Variants in PCDHGA1 observed in about 807,000 individuals in gnomAD.
The protein encoded by PCDHGA1 is protocadherin gamma subfamily A, 1, also known as protocadherin gamma-A1.
PCDHGA1 carries 32 observed loss-of-function variants against 58.0 expected under a neutral mutation model. The observed-to-expected ratio is 0.55, with a 90% confidence interval of 0.42 to 0.74. The LOEUF is 0.74. Ranked by LOEUF, PCDHGA1 falls within the 30% of genes least tolerant of loss-of-function variation. The pLI is 0.00. For synonymous variants in PCDHGA1, 498 were observed against 501.1 expected (o/e 0.99, Z 0.08); for missense variants, 1,205 against 1,182.3 (o/e 1.02, Z -0.28).
At chr5:141,341,741 A>T (rs1205265267) in intron 1 of PCDHGA1, 3 of 439,924 alleles carry the variant, frequency 6.8e-6, no homozygotes, top group Non-Finnish European at 1.2e-5. Flanking sequence ...CTTTGTTAAA[A>T]ATATAAAGAT....
intron 1 of PCDHGA1, chr5:141,414,230 CCAT>C: frequency 6.2e-7 from 1 of 1,613,308 alleles, no homozygotes; most frequent in Non-Finnish European, 8.5e-7. Context: ...CCAGAGCTGA[CCAT>C]CACGTCTCTA....
Position 141,400,542 on chromosome 5 carries a change from C to G in PCDHGA1, c.2421+67437C>G, listed in dbSNP as rs373097307. On this transcript the variant is annotated intron_variant, in intron 1 of 3. Transcript: ENST00000517417. ...CTGAGTTGGTGAGTTTCATTTATGT[C>G]TATTCTTTTTCATTACCCACCCAAT... 5.6e-6 allele frequency: 9 copies of G among 1,613,628 alleles called. No individual in the cohort carries two copies. In the African/African-American group the frequency reaches 8.0e-5, roughly 14 times the overall value.
intron 1 of PCDHGA1, chr5:141,382,965 C>A (rs1186922348): frequency 2.5e-6 from 4 of 1,608,612 alleles, no homozygotes; most frequent in Non-Finnish European, 3.4e-6. Context: ...TCCTGGGGAC[C>A]CCCTGGGAAG....
intron 1 of PCDHGA1, among the ~76,000 whole-genome samples, chr5:141,437,573 G>A (rs923321760): frequency 1.3e-5 from 2 of 152,164 alleles, no homozygotes; most frequent in African/African-American, 4.8e-5. Flanking sequence ...GAGTATAGCT[G>A]TGATCATGAA....
At chr5:141,381,878 G>A (rs1777712402) in intron 1 of PCDHGA1, among the ~76,000 whole-genome samples, 2 of 129,172 alleles carry the variant, frequency 1.5e-5, no homozygotes, top group South Asian at 4.9e-4. Flanking sequence ...TGTCCAGGCT[G>A]GAGTGCAATG....
chr5:141,393,730 G>C lies in PCDHGA1; in HGVS notation c.2421+60625G>C, dbSNP rs546435108. On this transcript the variant is annotated intron_variant, in intron 1 of 3. Transcript: ENST00000517417. The stretch of plus-strand genomic sequence containing the variant: ...ACTGGGGAAATATCAATAGCAAAAA[G>C]TCTAGATTATGAAGAATGTTCATTT... 3 of 1,613,844 alleles carry C rather than the reference G, an allele frequency of 1.9e-6. No individual in the cohort carries two copies. In the South Asian group the frequency reaches 3.3e-5, roughly 18 times the overall value.
intron 1 of PCDHGA1, chr5:141,355,572 CG>C: frequency 6.2e-7 from 1 of 1,613,892 alleles, no homozygotes; most frequent in South Asian, 1.1e-5. Flanking sequence ...TGGAAATAAT[CG>C]ATGTTAATGA....
In PCDHGA1 at chr5:141,390,150, C is replaced by A. The variant is rs768850867; in HGVS notation, c.2421+57045C>A. The A allele has an allele frequency of 3.7e-6, 6 of 1,613,916 alleles. No homozygotes were observed. The African/African-American group carries it at 8.0e-5, about 22-fold the overall frequency. On this transcript the variant is annotated intron_variant, in intron 1 of 3. Transcript: ENST00000517417. ...TTATTCCTACAATCTATGTGTTGCA[C>A]ATACAGGAAAGACGGAGTTTAATTT...
chr5:141,372,158 G>C, intron 1 of PCDHGA1: 2 of 1,613,800 alleles, frequency 1.2e-6, no homozygotes, highest in Non-Finnish European at 1.7e-6. Context: ...GCTACCTGGT[G>C]ACCAAGGTGG....
At position 141,409,906 on chromosome 5, in the gene PCDHGA1, T is replaced by C. The variant is rs779572711; in HGVS notation, c.2421+76801T>C. Reference sequence around the variant, plus strand: ...CGCGGGTGCTGTACCCAGCTCTGGGTCCTGACGGCTCCGCGTTCTTCGATA... The same window carrying C: ...CGCGGGTGCTGTACCCAGCTCTGGGCCCTGACGGCTCCGCGTTCTTCGATA... On this transcript the variant is annotated intron_variant, in intron 1 of 3. Transcript: ENST00000517417. 6 of 1,613,214 alleles carry C rather than the reference T, an allele frequency of 3.7e-6. No homozygotes were observed. The South Asian group carries it at 6.6e-5, about 18-fold the overall frequency.
At chr5:141,388,965 G>T (rs1164641835) in intron 1 of PCDHGA1, 1 of 1,613,978 alleles carries the variant, frequency 6.2e-7, no homozygotes, top group Admixed American at 1.7e-5. Context: ...CGCCGAGCTG[G>T]GAACACATAT....
In PCDHGA1 at chr5:141,431,878, C is replaced by T. The variant is rs2097425306; in HGVS notation, c.2422-62929C>T. The T allele has an allele frequency of 1.2e-6, 2 of 1,614,054 alleles. No individual in the cohort carries two copies. The highest frequency in any genetic ancestry group is 1.7e-5 in the Admixed American group (1 of 60,010). ...TAATTGCCCTTTTAAATGTAAATGACCAAGATTCTGAGGAAAACGGACAGG... is the reference window on the plus strand; with the variant it reads ...TAATTGCCCTTTTAAATGTAAATGATCAAGATTCTGAGGAAAACGGACAGG... On this transcript the variant is annotated intron_variant, in intron 1 of 3. Transcript: ENST00000517417. The surrounding 1 kb of genome is among the most constrained non-coding windows in gnomAD (Gnocchi z 4.8).
Position 141,375,571 on chromosome 5 carries a change from C to T in PCDHGA1, c.2421+42466C>T, listed in dbSNP as rs760580799. On this transcript the variant is annotated intron_variant, in intron 1 of 3. Coordinates refer to ENST00000517417, the MANE Select transcript of PCDHGA1 (RefSeq NM_018912.3). Reference sequence around the variant, plus strand: ...CCTACTCACTGGCAGAAGACACCCTCCAGGGGGCGCCCCTGTCCTCCTACG... The same window carrying T: ...CCTACTCACTGGCAGAAGACACCCTTCAGGGGGCGCCCCTGTCCTCCTACG... 15 of 1,613,962 alleles carry T rather than the reference C, an allele frequency of 9.3e-6. No individual in the cohort carries two copies. In the Admixed American group the frequency reaches 2.3e-4, roughly 25 times the overall value.
intron 1 of PCDHGA1, among the ~76,000 whole-genome samples, chr5:141,473,313 T>C (rs1173941642): frequency 2.7e-4 from 41 of 152,246 alleles, no homozygotes; most frequent in Non-Finnish European, 5.9e-5. Context: ...GCTATATTAA[T>C]AAGCATTAAG....
At chr5:141,337,497 A>C (rs1363691907) in intron 1 of PCDHGA1, among the ~76,000 whole-genome samples, 1 of 152,242 alleles carries the variant, frequency 6.6e-6, no homozygotes. Flanking sequence ...CAAAGACATG[A>C]TATCAAGTGA....
chr5:141,370,964 G>A (rs372975056), intron 1 of PCDHGA1: 71 of 1,613,848 alleles, frequency 4.4e-5, no homozygotes, highest in Non-Finnish European at 5.6e-5. Flanking sequence ...ATGGCAGTAG[G>A]TACCCAGAGC....
chr5:141,382,807 T>TC (rs1430207152), intron 1 of PCDHGA1: 2 of 1,107,572 alleles, frequency 1.8e-6, no homozygotes, highest in Non-Finnish European at 2.6e-6. Context: ...GATTCTGAGC[T>TC]CCCCTTCCTA....
At chr5:141,407,316 G>A (rs2094914682) in intron 1 of PCDHGA1, among the ~76,000 whole-genome samples, 1 of 152,094 alleles carries the variant, frequency 6.6e-6, no homozygotes, top group Non-Finnish European at 1.5e-5. Flanking sequence ...TTCATACTTA[G>A]TATTTATAAA....
At chr5:141,364,203 C>G (rs1763215170) in intron 1 of PCDHGA1, 2 of 1,152,828 alleles carry the variant, frequency 1.7e-6, no homozygotes, top group Non-Finnish European at 1.2e-6. Flanking sequence ...ACAGACCAGA[C>G]AAGCTCCTAC....
Sources: allele counts gnomAD v4.1 joint callset (sites outside exome capture counted in the v4.1 genomes callset), GRCh38; gene constraint gnomAD v4.1.1; non-coding constraint Gnocchi (gnomAD v3.1); transcripts MANE v1.5; gene names NCBI Gene and HGNC (gene_info 2026-07-23, HGNC 2026-07-21).